The following RAP1GAP2 variants were observed in gnomAD, a reference collection of about 807,000 sequenced individuals.
The protein encoded by RAP1GAP2 is rap1 GTPase-activating protein 2.
RAP1GAP2 carries 27 observed loss-of-function variants against 95.0 expected under a neutral mutation model. That is an observed-to-expected ratio of 0.28 (90% CI 0.21 to 0.39). The LOEUF (loss-of-function observed/expected upper bound fraction) is 0.39, where lower values mean the gene tolerates loss of function less well. Ranked by LOEUF, RAP1GAP2 falls within the 10% of genes least tolerant of loss-of-function variation. RAP1GAP2 has a pLI of 1.00. For synonymous variants in RAP1GAP2, 373 were observed against 380.9 expected (o/e 0.98, Z 0.24); for missense variants, 771 against 970.0 (o/e 0.79, Z 2.72).
intron 2 of RAP1GAP2, among the ~76,000 whole-genome samples, chr17:2,897,260 C>T (rs1168898660): frequency 1.3e-5 from 2 of 152,044 alleles, no homozygotes; most frequent in East Asian, 3.9e-4. Flanking sequence ...ATTGCCGGAA[C>T]CCAGGAGGCG....
At chr17:2,813,662 A>G (rs1447383382) in intron 2 of RAP1GAP2, among the ~76,000 whole-genome samples, 1 of 152,086 alleles carries the variant, frequency 6.6e-6, no homozygotes, top group Non-Finnish European at 1.5e-5. Context: ...CCTCACTGTG[A>G]TAATGAAAAT....
At chr17:2,782,261 G>A (rs770909395) in intron 1 of RAP1GAP2, among the ~76,000 whole-genome samples, 17 of 152,304 alleles carry the variant, frequency 1.1e-4, no homozygotes, top group Non-Finnish European at 2.4e-4. Flanking sequence ...GAAGAGGGAC[G>A]GCAAGTCCAG....
chr17:2,903,752 CAGGG>C lies in RAP1GAP2; in HGVS notation c.81-1527_81-1524del, dbSNP rs971689158. Among the ~76,000 whole-genome samples, 1 of 78,448 alleles carries C rather than the reference CAGGG, an allele frequency of 1.3e-5. No individual in the cohort carries two copies. The highest frequency in any genetic ancestry group is 3.3e-5 in the Non-Finnish European group (1 of 30,470). 51.5% of individuals were successfully genotyped at this position (78,448 alleles called of 152,430 possible). ...CCTGATGTGGCTCCCTAGTTGGCCACAGGGAGGGCTGGCTGGTCAACTGCAGGGG... is the reference window on the plus strand; with the variant it reads ...CCTGATGTGGCTCCCTAGTTGGCCACAGGGCTGGCTGGTCAACTGCAGGGG... On this transcript the variant is annotated intron_variant, in intron 2 of 24. Coordinates refer to ENST00000254695, the MANE Select transcript of RAP1GAP2 (RefSeq NM_015085.5). This position sits in a 1 kb window ranked among gnomAD's most constrained non-coding sequence, Gnocchi z 4.1.
At chr17:2,849,501 GTGTC>G (rs1163317327) in intron 2 of RAP1GAP2, among the ~76,000 whole-genome samples, 1 of 152,134 alleles carries the variant, frequency 6.6e-6, no homozygotes, top group Non-Finnish European at 1.5e-5. Flanking sequence ...CCAGGCATGC[GTGTC>G]TGTCTGCCTC....
intron 2 of RAP1GAP2, among the ~76,000 whole-genome samples, chr17:2,863,282 A>G (rs2151624156): frequency 6.6e-6 from 1 of 152,290 alleles, no homozygotes; most frequent in Admixed American, 6.5e-5. Flanking sequence ...GTGTTTATTC[A>G]GTGCCCTTGG....
At position 3,033,957 on chromosome 17, in the gene RAP1GAP2, G is replaced by C. The variant is rs1247867019; in HGVS notation, c.*596G>C. On this transcript the variant is annotated 3_prime_UTR_variant, in exon 25 of 25. Transcript: ENST00000254695. The surrounding 1 kb of genome is among the most constrained non-coding windows in gnomAD (Gnocchi z 4.9). ...AGCTCTAAACCGTCTATCTGCTTCTGTGCTGAACGCCTTTCCCATCTGCTG... is the reference window on the plus strand; with the variant it reads ...AGCTCTAAACCGTCTATCTGCTTCTCTGCTGAACGCCTTTCCCATCTGCTG... 1 of 152,484 alleles carries C rather than the reference G, an allele frequency of 6.6e-6. No individual in the cohort carries two copies. The highest frequency in any genetic ancestry group is 6.5e-5 in the Admixed American group (1 of 15,288). The allele number at this position is 152,484 out of a possible 1,614,324, so 9.4% of individuals were successfully genotyped here.
In RAP1GAP2 at chr17:3,034,431, C is replaced by A; in HGVS notation, c.*1070C>A. 1 of 217,768 alleles carries A rather than the reference C, an allele frequency of 4.6e-6. No individual in the cohort carries two copies. Among genetic ancestry groups the A allele is most frequent in the Non-Finnish European group, 9.7e-6 (1 of 103,360 alleles). The allele number at this position is 217,768 out of a possible 1,614,324, so 13.5% of individuals were successfully genotyped here. The stretch of plus-strand genomic sequence containing the variant: ...GGGGGGATGACTTGCGGGTTCTGAT[C>A]AGGCCCCTGGGTGGGGAAGGGGCAC... On this transcript the variant is annotated 3_prime_UTR_variant, in exon 25 of 25. Coordinates refer to ENST00000254695, the MANE Select transcript of RAP1GAP2 (RefSeq NM_015085.5). This position sits in a 1 kb window ranked among gnomAD's most constrained non-coding sequence, Gnocchi z 5.1.
chr17:2,985,299 G>A (rs1230805709), intron 11 of RAP1GAP2, among the ~76,000 whole-genome samples: 2 of 150,962 alleles, frequency 1.3e-5, no homozygotes, highest in Non-Finnish European at 2.9e-5. Flanking sequence ...TTTTAATATA[G>A]CAAATTCTCA....
rs868348531 is a variant in RAP1GAP2, at chr17:2,984,897, A to G, written c.730-86A>G. ...TACCAGGGAACACATTCTCTCCCCAAATGGATGCTTCCCCTGCCATGTGCT... is the reference window on the plus strand; with the variant it reads ...TACCAGGGAACACATTCTCTCCCCAGATGGATGCTTCCCCTGCCATGTGCT... On this transcript the variant is annotated intron_variant, in intron 10 of 24. Transcript: ENST00000254695. The G allele has an allele frequency of 4.4e-5, 69 of 1,572,688 alleles. No individual in the cohort carries two copies. In the Middle Eastern group the frequency reaches 3.7e-3, roughly 85 times the overall value.
chr17:2,887,167 A>G (rs1246061449), intron 2 of RAP1GAP2, among the ~76,000 whole-genome samples: 2 of 151,270 alleles, frequency 1.3e-5, no homozygotes, highest in African/African-American at 4.9e-5. Flanking sequence ...AAGCGATTCT[A>G]GTGCCTCAGC....
chr17:2,949,924 G>C (rs1286287695), intron 3 of RAP1GAP2, among the ~76,000 whole-genome samples: 1 of 152,230 alleles, frequency 6.6e-6, no homozygotes, highest in East Asian at 1.9e-4. Context: ...GCTGGGCACT[G>C]TCCATGCAGG....
intron 24 of RAP1GAP2, among the ~76,000 whole-genome samples, chr17:3,032,841 A>G (rs1597924028): frequency 1.3e-5 from 2 of 152,212 alleles, no homozygotes; most frequent in South Asian, 4.1e-4. Flanking sequence ...CCCTGGGCTG[A>G]GGTGTGTTCT....
intron 3 of RAP1GAP2, among the ~76,000 whole-genome samples, chr17:2,953,789 G>GT (rs1187987273): frequency 9.9e-5 from 15 of 152,180 alleles, no homozygotes; most frequent in Admixed American, 9.8e-4. Context: ...GGAAGTTGCA[G>GT]TGAGCTGACA....
At chr17:2,816,895 A>G (rs2070049202) in intron 2 of RAP1GAP2, among the ~76,000 whole-genome samples, 1 of 118,954 alleles carries the variant, frequency 8.4e-6, no homozygotes, top group African/African-American at 2.8e-5. Flanking sequence ...GTGAAATCAC[A>G]CAGTACTTGT....
intron 1 of RAP1GAP2, among the ~76,000 whole-genome samples, chr17:2,758,991 C>T (rs1451712243): frequency 6.6e-6 from 1 of 152,004 alleles, no homozygotes; most frequent in Non-Finnish European, 1.5e-5. Flanking sequence ...AGAGCCACCA[C>T]GTCTGGCTAA....
chr17:2,850,070 G>C lies in RAP1GAP2; in HGVS notation c.80+49520G>C, dbSNP rs375110360. On this transcript the variant is annotated intron_variant, in intron 2 of 24. Coordinates refer to ENST00000254695, the MANE Select transcript of RAP1GAP2 (RefSeq NM_015085.5). Reference sequence around the variant, plus strand: ...GGCTGGAGTGCAGTGGTGTGATCTCGGTTCACTGCAACCTCTGCCTCCCGG... The same window carrying C: ...GGCTGGAGTGCAGTGGTGTGATCTCCGTTCACTGCAACCTCTGCCTCCCGG... Among the ~76,000 whole-genome samples the C allele has an allele frequency of 8.2e-4, 117 of 142,250 alleles. 3 individuals are homozygous for C. In the South Asian group the frequency reaches 0.025, roughly 30 times the overall value. 93.3% of individuals were successfully genotyped at this position (142,250 alleles called of 152,430 possible).
At chr17:2,831,329 A>G (rs1466762991) in intron 2 of RAP1GAP2, among the ~76,000 whole-genome samples, 1 of 151,100 alleles carries the variant, frequency 6.6e-6, no homozygotes, top group Non-Finnish European at 1.5e-5. Flanking sequence ...TGCCTGCTCC[A>G]GCCTCCCAAA....
intron 3 of RAP1GAP2, among the ~76,000 whole-genome samples, chr17:2,946,978 C>T (rs767693174): frequency 7.9e-5 from 12 of 152,188 alleles, no homozygotes; most frequent in Non-Finnish European, 7.4e-5. Context: ...TGGTCTTGAA[C>T]GCCTGACCCC....
At chr17:2,805,265 G>A (rs923589413) in intron 2 of RAP1GAP2, among the ~76,000 whole-genome samples, 2 of 152,104 alleles carry the variant, frequency 1.3e-5, no homozygotes, top group Admixed American at 6.6e-5. Context: ...GGTCCCTGTC[G>A]GGCAGGTGCC....
Sources: allele counts gnomAD v4.1 joint callset (sites outside exome capture counted in the v4.1 genomes callset), GRCh38; gene constraint gnomAD v4.1.1; non-coding constraint Gnocchi (gnomAD v3.1); transcripts MANE v1.5; gene names NCBI Gene and HGNC (gene_info 2026-07-23, HGNC 2026-07-21).